Variants in NEK3 observed in about 807,000 individuals in gnomAD.
The protein encoded by NEK3 is NIMA related kinase 3, also known as serine/threonine-protein kinase Nek3.
In NEK3, 54 loss-of-function variants were observed where a neutral mutation model predicts 66.0. That is an observed-to-expected ratio of 0.82 (90% CI 0.66 to 1.03). The LOEUF is 1.03. Among genes scored for constraint, NEK3 ranks in the 50% least tolerant of loss-of-function variants. The pLI is 0.00. For synonymous variants in NEK3, 200 were observed against 206.2 expected (o/e 0.97, Z 0.26); for missense variants, 593 against 603.0 (o/e 0.98, Z 0.17).
At chr13:52,159,230 C>A (rs2138220156) in intron 1 of NEK3, 1 of 152,322 alleles carries the variant, frequency 6.6e-6, no homozygotes. Flanking sequence ...GAGAAGAATC[C>A]GTTGAGCCGG....
rs748488035 is a variant in NEK3, at chr13:52,153,967, C to T, written c.237G>A (p.Met79Ile). The T allele has an allele frequency of 6.2e-7, 1 of 1,612,906 alleles. No homozygotes were observed. Among genetic ancestry groups the T allele is most frequent in the African/African-American group, 1.3e-5 (1 of 74,986 alleles). The part of the protein sequence containing the change: ...FEAEGHLYIV[M>I]EYCDGGDLMQ... Reference sequence around the variant, plus strand: ...TTAGATCCCCTCCATCACAGTATTCCATCACAATATACAAGTGTCCTTCAG... The same window carrying T: ...TTAGATCCCCTCCATCACAGTATTCTATCACAATATACAAGTGTCCTTCAG... The change falls in exon 4 of 16, where the codon ATG (methionine) becomes ATA (isoleucine). Residue 79 changes from methionine to isoleucine, a missense_variant. Coordinates refer to ENST00000610828, the MANE Select transcript of NEK3 (RefSeq NM_002498.3).
intron 14 of NEK3, 113 bp downstream of exon 14, chr13:52,135,616 C>T: frequency 1.2e-6 from 1 of 863,600 alleles, no homozygotes; most frequent in Non-Finnish European, 1.7e-6. Context: ...GTACTTAGTG[C>T]TACTGAACTG....
rs868649989 is a variant in NEK3, at chr13:52,144,064, T to A, written c.805-77A>T. ...ATACTGCCGTGATGTCATTTCATCA[T>A]CAGCATTCTTTAGCACAATAATATT... On this transcript the variant is annotated intron_variant, in intron 9 of 15. Transcript: ENST00000610828. 5 of 787,504 alleles carry A rather than the reference T, an allele frequency of 6.3e-6. No homozygotes were observed. In the Middle Eastern group the frequency reaches 9.2e-4, roughly 145 times the overall value. 48.8% of individuals were successfully genotyped at this position (787,504 alleles called of 1,614,324 possible). A position where few individuals can be genotyped will look rare whatever the true frequency, so the allele number is the denominator to read the frequency against.
At chr13:52,140,940 G>T in intron 11 of NEK3, 80 bp downstream of exon 11, 1 of 1,156,754 alleles carries the variant, frequency 8.6e-7, no homozygotes, top group South Asian at 1.5e-5. Context: ...TCAACCTCCC[G>T]AGTAGCTGGG....
rs554933673 is a variant in NEK3, at chr13:52,152,572, CTTTT to C, written c.393+33_393+36del. The C allele has an allele frequency of 4.6e-6, 5 of 1,085,526 alleles. No individual in the cohort carries two copies. In the South Asian group the frequency reaches 4.8e-5, roughly 10 times the overall value. 67.2% of individuals were successfully genotyped at this position (1,085,526 alleles called of 1,614,324 possible). A position where few individuals can be genotyped will look rare whatever the true frequency, so the allele number is the denominator to read the frequency against. ...CACAGTAAAATGACTGAATTAAGGA[CTTTT>C]TTTTTTTAAGTCCAAAAATGTACTC... On this transcript the variant is annotated intron_variant, in intron 5 of 15. Coordinates refer to ENST00000610828, the MANE Select transcript of NEK3 (RefSeq NM_002498.3).
At chr13:52,145,154 T>C (rs940617909) in intron 8 of NEK3, among the ~76,000 whole-genome samples, 1 of 152,186 alleles carries the variant, frequency 6.6e-6, no homozygotes, top group Non-Finnish European at 1.5e-5. Flanking sequence ...CTAATGTTTT[T>C]TGCAGATATA....
chr13:52,152,365 T>C (rs1405202431), intron 5 of NEK3, among the ~76,000 whole-genome samples: 2 of 152,132 alleles, frequency 1.3e-5, no homozygotes, highest in African/African-American at 4.8e-5. Context: ...TTACCTTGAT[T>C]TAATCATTTT....
chr13:52,155,419 C>T (rs1051462473), intron 2 of NEK3, among the ~76,000 whole-genome samples: 1 of 152,080 alleles, frequency 6.6e-6, no homozygotes, highest in African/African-American at 2.4e-5. Flanking sequence ...TTTTATGATC[C>T]TTTTTCATTA....
chr13:52,144,455 G>A (rs1956276386), intron 9 of NEK3, among the ~76,000 whole-genome samples: 1 of 152,160 alleles, frequency 6.6e-6, no homozygotes, highest in African/African-American at 2.4e-5. Context: ...GACAAATGCA[G>A]ACATTTATAT....
At chr13:52,141,873 A>T (rs1956252664) in intron 10 of NEK3, among the ~76,000 whole-genome samples, 1 of 150,466 alleles carries the variant, frequency 6.6e-6, no homozygotes, top group Admixed American at 6.7e-5. Context: ...TGAGGTCAGG[A>T]GTTTGAGACC....
chr13:52,140,809 T>C (rs928707160), intron 11 of NEK3, among the ~76,000 whole-genome samples: 14 of 151,904 alleles, frequency 9.2e-5, no homozygotes, highest in East Asian at 7.8e-4. Context: ...GGTAGATATT[T>C]CATAAACGTA....
chr13:52,133,790 G>A lies in NEK3; in HGVS notation c.1335C>T (p.Pro445=). 5 of 1,598,936 alleles carry A rather than the reference G, an allele frequency of 3.1e-6. No homozygotes were observed. The highest frequency in any genetic ancestry group is 4.3e-6 in the Non-Finnish European group (5 of 1,172,180). ...CCGATGCTTCTGTTTCTTCAGACAG[G>A]GGGCCTTTCAAGAACCCTTCTGAAC... ...RPGSEGFLKG[P]LSEETEASDS... The change falls in exon 15 of 16, where the codon CCC becomes CCT. Residue 445 remains proline, a synonymous_variant. Coordinates refer to ENST00000610828, the MANE Select transcript of NEK3 (RefSeq NM_002498.3).
intron 11 of NEK3, among the ~76,000 whole-genome samples, chr13:52,138,555 C>A (rs899062234): frequency 6.6e-6 from 1 of 152,142 alleles, no homozygotes; most frequent in Non-Finnish European, 1.5e-5. Flanking sequence ...ATGGTTCATT[C>A]AAAAAATTTA....
In NEK3 at chr13:52,140,739, G is replaced by A. The variant is rs3742295; in HGVS notation, c.927+281C>T. 5.3e-5 allele frequency among the ~76,000 whole-genome samples: 8 copies of A among 152,248 alleles called. 1 individual carries two copies. In the East Asian group the frequency reaches 1.3e-3, roughly 26 times the overall value. On this transcript the variant is annotated intron_variant, in intron 11 of 15. Transcript: ENST00000610828. ...TGAAGGAAGAAGTACTTAACTAGAGGGACCAGGTCACAGTCTTCCAAATAT... is the reference window on the plus strand; with the variant it reads ...TGAAGGAAGAAGTACTTAACTAGAGAGACCAGGTCACAGTCTTCCAAATAT...
chr13:52,155,950 T>C (rs1214712904), intron 2 of NEK3, 125 bp downstream of exon 2: 2 of 539,404 alleles, frequency 3.7e-6, no homozygotes, highest in Non-Finnish European at 6.5e-6. Context: ...TCAGGTGATC[T>C]ACCCGCCTCC....
intron 5 of NEK3, among the ~76,000 whole-genome samples, chr13:52,151,973 C>T (rs1048794817): frequency 1.3e-5 from 2 of 152,166 alleles, no homozygotes; most frequent in African/African-American, 4.8e-5. Flanking sequence ...ACTATATAGC[C>T]TAGGTGTGTA....
intron 11 of NEK3, among the ~76,000 whole-genome samples, chr13:52,139,031 C>T (rs1230730495): frequency 2.0e-5 from 3 of 152,108 alleles, no homozygotes; most frequent in Admixed American, 6.5e-5. Flanking sequence ...AAACATGGAT[C>T]GGCTGTTAAT....
intron 8 of NEK3, chr13:52,148,201 G>A: frequency 2.5e-6 from 1 of 396,796 alleles, no homozygotes; most frequent in Non-Finnish European, 4.5e-6. Flanking sequence ...GAGAGAGAAA[G>A]GTTATGTATT....
Position 52,142,466 on chromosome 13 carries a change from C to T in NEK3, c.878-1397G>A, listed in dbSNP as rs1051175187. 4.6e-5 allele frequency among the ~76,000 whole-genome samples: 7 copies of T among 151,992 alleles called. No homozygotes were observed. The South Asian group carries it at 6.2e-4, about 14-fold the overall frequency. On this transcript the variant is annotated intron_variant, in intron 10 of 15. Coordinates refer to ENST00000610828, the MANE Select transcript of NEK3 (RefSeq NM_002498.3). ...TAATTTTTTGTATTTTTAGTAGAGACGGGGTTTCACCATGTTCGCCAGGAT... is the reference window on the plus strand; with the variant it reads ...TAATTTTTTGTATTTTTAGTAGAGATGGGGTTTCACCATGTTCGCCAGGAT...
Sources: gnomAD v4.1 joint callset for allele counts (sites outside exome capture counted in the v4.1 genomes callset) on GRCh38, gnomAD v4.1.1 for gene constraint, MANE v1.5 for transcripts, NCBI Gene and HGNC (gene_info 2026-07-23, HGNC 2026-07-21) for gene names.